Variants in RGS6 observed in about 807,000 individuals in gnomAD.
RGS6 encodes the protein regulator of G-protein signaling 6.
Under a neutral mutation model 78.5 loss-of-function variants are expected in RGS6, and 30 were observed. The observed-to-expected ratio is 0.38, with a 90% confidence interval of 0.29 to 0.52. The LOEUF (loss-of-function observed/expected upper bound fraction) is 0.52, where lower values mean the gene tolerates loss of function less well. Ranked by LOEUF, RGS6 falls within the 20% of genes least tolerant of loss-of-function variation. The pLI, the probability that RGS6 is intolerant of heterozygous loss-of-function variation, is 0.85. For synonymous variants in RGS6, 206 were observed against 206.0 expected (o/e 1.00, Z 0.00); for missense variants, 495 against 609.7 (o/e 0.81, Z 1.98).
chr14:71,899,408 A>G, the RGS6 span, among the ~76,000 whole-genome samples: 1,172 of 152,326 alleles, frequency 7.7e-3, 5 homozygotes, highest in Non-Finnish European at 0.012. Context: ...TTCCTACTTC[A>G]GCAAAACATT....
At chr14:71,971,523 C>G (rs573880467) in intron 2 of RGS6, among the ~76,000 whole-genome samples, 2 of 152,298 alleles carry the variant, frequency 1.3e-5, no homozygotes, top group African/African-American at 4.8e-5. Flanking sequence ...ATCTACTCAT[C>G]CTTTTGGGCC....
At chr14:72,331,363 A>G (rs1174764932) in intron 2 of RGS6, among the ~76,000 whole-genome samples, 1 of 152,214 alleles carries the variant, frequency 6.6e-6, no homozygotes, top group African/African-American at 2.4e-5. Flanking sequence ...CTTGGAATAA[A>G]CTAAGCCAAC....
intron 2 of RGS6, among the ~76,000 whole-genome samples, chr14:72,291,160 CCCTTAGATGGCATTCAAGCT>C (rs2152327001): frequency 6.6e-6 from 1 of 152,048 alleles, no homozygotes; most frequent in Admixed American, 6.5e-5. Flanking sequence ...TAACTTCAAG[CCCTTAGATGGCATTCAAGCT>C]CCTTGGTGAC....
chr14:72,439,608 A>AT (rs1430678126), intron 3 of RGS6, among the ~76,000 whole-genome samples: 1 of 152,188 alleles, frequency 6.6e-6, no homozygotes, highest in Non-Finnish European at 1.5e-5. Context: ...TCTCCTCCAC[A>AT]TCTGAGCTGG....
the RGS6 span, among the ~76,000 whole-genome samples, chr14:71,888,433 A>G: frequency 3.3e-4 from 46 of 138,156 alleles, no homozygotes; most frequent in Non-Finnish European, 7.6e-5. Context: ...AAAAAAAAAA[A>G]GAAGAAGAAG....
chr14:71,974,878 A>G (rs1022181914), intron 2 of RGS6, among the ~76,000 whole-genome samples: 84 of 152,364 alleles, frequency 5.5e-4, no homozygotes, highest in African/African-American at 1.9e-3. Context: ...ACGTTGGCTT[A>G]CGCCTGTAAT....
At chr14:72,166,605 G>T (rs543962658) in intron 2 of RGS6, among the ~76,000 whole-genome samples, 1 of 152,204 alleles carries the variant, frequency 6.6e-6, no homozygotes, top group Non-Finnish European at 1.5e-5. Flanking sequence ...ATAGACCAAG[G>T]ATGGAGGGAG....
chr14:72,128,646 A>T (rs909000765), intron 2 of RGS6, among the ~76,000 whole-genome samples: 2 of 152,176 alleles, frequency 1.3e-5, no homozygotes, highest in African/African-American at 4.8e-5. Context: ...CATTAAATAA[A>T]CACTCACTTA....
the RGS6 span, among the ~76,000 whole-genome samples, chr14:71,876,771 C>T: frequency 3.3e-5 from 5 of 152,014 alleles, no homozygotes; most frequent in Admixed American, 6.6e-5. Context: ...TTCCTAGCCT[C>T]GATGGTCTTT....
rs575256208 is a variant in RGS6 at position 72,494,235 on chromosome 14, CA to C, written c.855-915del. ...GTATGATATTTAGCTGAACAGCAAA[CA>C]ATTTTTATCTAGTTTAATAATGTTA... On this transcript the variant is annotated intron_variant, in intron 12 of 17. Coordinates refer to ENST00000553525, the MANE Select transcript of RGS6 (RefSeq NM_001204424.2). 2.6e-5 allele frequency among the ~76,000 whole-genome samples: 4 copies of C among 152,274 alleles called. No homozygotes were observed. The South Asian group carries it at 8.3e-4, about 32-fold the overall frequency.
chr14:72,091,571 G>T (rs1417499756), intron 2 of RGS6, among the ~76,000 whole-genome samples: 1 of 152,094 alleles, frequency 6.6e-6, no homozygotes, highest in Non-Finnish European at 1.5e-5. Flanking sequence ...AAATATATTG[G>T]AATCCATGTA....
chr14:72,021,492 G>A (rs1026428121), intron 2 of RGS6, among the ~76,000 whole-genome samples: 2 of 134,258 alleles, frequency 1.5e-5, no homozygotes, highest in Non-Finnish European at 3.1e-5. Flanking sequence ...TTTTGAGATG[G>A]CGTTTCGCTC....
At chr14:72,010,633 C>G (rs2085480023) in intron 2 of RGS6, among the ~76,000 whole-genome samples, 1 of 152,080 alleles carries the variant, frequency 6.6e-6, no homozygotes, top group African/African-American at 2.4e-5. Flanking sequence ...GCACTTGGCC[C>G]CAACAAACCA....
chr14:72,079,016 A>T (rs944264573), intron 2 of RGS6, among the ~76,000 whole-genome samples: 1 of 152,004 alleles, frequency 6.6e-6, no homozygotes, highest in Non-Finnish European at 1.5e-5. Context: ...TCATCTTCCT[A>T]TTTTTAACAG....
intron 2 of RGS6, among the ~76,000 whole-genome samples, chr14:72,269,695 G>A (rs1277315294): frequency 6.7e-6 from 1 of 149,226 alleles, no homozygotes; most frequent in Non-Finnish European, 1.5e-5. Flanking sequence ...CTCCCAAATA[G>A]CTGGGACTAC....
At chr14:72,325,205 A>T (rs994656029) in intron 2 of RGS6, among the ~76,000 whole-genome samples, 58 of 151,870 alleles carry the variant, frequency 3.8e-4, no homozygotes, top group African/African-American at 1.3e-3. Context: ...GGGTTGTTTG[A>T]TTTTTTCTTG....
chr14:72,195,215 A>G lies in RGS6; in HGVS notation c.85-156880A>G, dbSNP rs114640157. Among the ~76,000 whole-genome samples the G allele has an allele frequency of 6.1e-3, 935 of 152,250 alleles. 9 individuals carry two copies. The highest frequency in any genetic ancestry group is 0.021 in the African/African-American group (889 of 41,558). On this transcript the variant is annotated intron_variant, in intron 2 of 17. Coordinates refer to ENST00000553525, the MANE Select transcript of RGS6 (RefSeq NM_001204424.2). The stretch of plus-strand genomic sequence containing the variant: ...AGAGTGAAACTCCATCTCAAAAAAA[A>G]AAAAGAATAAAGAAATAAAAGTGGG...
rs182412577 is a variant in RGS6, at chr14:72,540,022, T to G, written c.1369-19T>G. The G allele has an allele frequency of 1.6e-6, 1 of 624,292 alleles. No homozygotes were observed. The highest frequency in any genetic ancestry group is 2.2e-6 in the Non-Finnish European group (1 of 445,498). The allele number at this position is 624,292 out of a possible 1,614,324, so 38.7% of individuals were successfully genotyped here. A position where few individuals can be genotyped will look rare whatever the true frequency, so the allele number is the denominator to read the frequency against. On this transcript the variant is annotated intron_variant, in intron 16 of 17. Transcript: ENST00000553525. ...TTTTTCTGTATTTTTCTCCCTACCC[T>G]TTTTTTTTTTTCCTAAAGCCAGAAA... is the stretch of plus-strand genomic sequence containing the variant.
intron 2 of RGS6, among the ~76,000 whole-genome samples, chr14:72,193,587 A>G (rs1008828784): frequency 6.6e-6 from 1 of 152,246 alleles, no homozygotes; most frequent in Non-Finnish European, 1.5e-5. Context: ...GAAACGGTCA[A>G]TGAATGAGTA....
Sources: allele counts gnomAD v4.1 joint callset (sites outside exome capture counted in the v4.1 genomes callset), GRCh38; gene constraint gnomAD v4.1.1; transcripts MANE v1.5; gene names NCBI Gene and HGNC (gene_info 2026-07-23, HGNC 2026-07-21).